ZNF782: variants seen among roughly 807,000 people sequenced by gnomAD.
The protein encoded by ZNF782 is zinc finger protein 782.
In ZNF782, 12 loss-of-function variants were observed where a neutral mutation model predicts 13.0. The observed-to-expected ratio is 0.92, with a 90% CI of 0.59 to 1.50. The LOEUF (loss-of-function observed/expected upper bound fraction) is 1.50. Among genes scored for constraint, ZNF782 ranks in the 40% most tolerant of loss-of-function variants. The probability of loss-of-function intolerance (pLI) is 0.00; values close to 1 mark genes in which losing one functional copy is unlikely to be tolerated. For missense variants in ZNF782, 770 were observed against 822.9 expected (o/e 0.94, Z 0.79); for synonymous variants, 284 against 283.0 (o/e 1.00, Z -0.04).
chr9:96,911,882 A>G, the ZNF782 span, among the ~76,000 whole-genome samples: 1 of 152,080 alleles, frequency 6.6e-6, no homozygotes, highest in African/African-American at 2.4e-5. Flanking sequence ...TAGCTGTACT[A>G]TAAGTAGTTG....
At chr9:96,821,188 G>C (rs759167145) in intron 5 of ZNF782, among the ~76,000 whole-genome samples, 2 of 152,164 alleles carry the variant, frequency 1.3e-5, no homozygotes, top group Non-Finnish European at 2.9e-5. Context: ...TGCCCTAACA[G>C]ATATTCAGGA....
chr9:96,896,527 T>A, the ZNF782 span, among the ~76,000 whole-genome samples: 1 of 152,188 alleles, frequency 6.6e-6, no homozygotes, highest in Non-Finnish European at 1.5e-5. Context: ...TCTAGGAGTC[T>A]AGTGGTCGAG....
Position 96,819,035 on chromosome 9 carries a change from T to C in ZNF782, c.988A>G (p.Arg330Gly). ...GAGTATTTATCTGTTGCATGAGTTC[T>C]CTGATGCACTGGGAGGGTTGAATTA... The part of the protein sequence containing the change: ...NRNSTLPVHQ[R>G]THATDKYSDY... The change falls in exon 6 of 6, where the codon AGA (arginine) becomes GGA (glycine). Residue 330 changes from arginine to glycine, a missense_variant. Physicochemically the swap from Arg to Gly is moderately radical, Grantham distance 125. Coordinates refer to ENST00000481138, the MANE Select transcript of ZNF782 (RefSeq NM_001001662.3). The C allele has an allele frequency of 1.2e-6, 2 of 1,614,238 alleles. No individual in the cohort carries two copies. The highest frequency in any genetic ancestry group is 1.7e-6 in the Non-Finnish European group (2 of 1,180,032).
At chr9:96,858,424 A>G (rs1851669153), upstream of ZNF782, among the ~76,000 whole-genome samples, 1 of 152,126 alleles carries the variant, frequency 6.6e-6, no homozygotes, top group South Asian at 2.1e-4. The surrounding 1 kb of genome is among the most constrained non-coding windows in gnomAD (Gnocchi z 4.4). Context: ...TGAGAGTGCA[A>G]TAAATCTTGC....
At position 96,818,201 on chromosome 9, in the gene ZNF782, G is replaced by A; in HGVS notation, c.1822C>T (p.His608Tyr). Residue 608 changes from histidine (H) to tyrosine (Y), a missense_variant, in exon 6 of 6, where the codon CAT becomes TAT. Coordinates refer to ENST00000481138, the MANE Select transcript of ZNF782 (RefSeq NM_001001662.3). The part of the protein sequence containing the change: ...TFRQKSNLRG[H>Y]QRTHTGEKPY... ...TTCTCCCCAGTGTGAGTTCTCTGATGCCCTCTGAGATTTGATTTCTGCCTG... is the reference window on the plus strand; with the variant it reads ...TTCTCCCCAGTGTGAGTTCTCTGATACCCTCTGAGATTTGATTTCTGCCTG... 1 of 1,613,974 alleles carries A rather than the reference G, an allele frequency of 6.2e-7. No homozygotes were observed. The highest frequency in any genetic ancestry group is 1.3e-5 in the African/African-American group (1 of 74,958).
At chr9:96,834,911 C>G (rs1850938710) in intron 4 of ZNF782, among the ~76,000 whole-genome samples, 1 of 152,148 alleles carries the variant, frequency 6.6e-6, no homozygotes, top group African/African-American at 2.4e-5. Context: ...TCTACTGAGG[C>G]TCAGATGAAG....
At chr9:96,921,320 G>C in the ZNF782 span, among the ~76,000 whole-genome samples, 1 of 143,622 alleles carries the variant, frequency 7.0e-6, no homozygotes, top group Non-Finnish European at 1.5e-5. Flanking sequence ...AGATCACGAG[G>C]TCAGGAGATC....
At chr9:96,921,047 GTAAC>G in the ZNF782 span, among the ~76,000 whole-genome samples, 1 of 147,944 alleles carries the variant, frequency 6.8e-6, no homozygotes, top group Non-Finnish European at 1.5e-5. Context: ...AAAGTTTTAA[GTAAC>G]TAGGGAAGAA....
intron 1 of ZNF782, among the ~76,000 whole-genome samples, chr9:96,864,116 G>GTA (rs958928211): frequency 1.1e-3 from 166 of 146,190 alleles, no homozygotes; most frequent in Non-Finnish European, 6.9e-4. Context: ...TATATAAAAC[G>GTA]TATATATATA....
At chr9:96,933,041 G>T in the ZNF782 span, among the ~76,000 whole-genome samples, 9 of 147,968 alleles carry the variant, frequency 6.1e-5, no homozygotes, top group Admixed American at 6.1e-4. Context: ...GCAGTGGCGT[G>T]ATCTCGGCTC....
At chr9:96,930,006 T>G in the ZNF782 span, among the ~76,000 whole-genome samples, 30 of 152,268 alleles carry the variant, frequency 2.0e-4, no homozygotes, top group African/African-American at 7.2e-4. Context: ...ATGTGTGTCC[T>G]GACTGATGAG....
chr9:96,896,442 A>C, the ZNF782 span, among the ~76,000 whole-genome samples: 2 of 152,224 alleles, frequency 1.3e-5, no homozygotes, highest in Admixed American at 6.5e-5. Flanking sequence ...TAGACTTACT[A>C]CTAAGACATT....
upstream of ZNF782, among the ~76,000 whole-genome samples, chr9:96,877,485 A>G (rs546162048): frequency 6.6e-6 from 1 of 152,334 alleles, no homozygotes; most frequent in African/African-American, 2.4e-5. Flanking sequence ...TACCTGGCAG[A>G]GGGGGCTGCA....
the ZNF782 span, among the ~76,000 whole-genome samples, chr9:96,932,974 TTTTC>T: frequency 3.5e-3 from 514 of 147,806 alleles, 17 homozygotes; most frequent in East Asian, 0.072. Context: ...TTTTCTTTTC[TTTTC>T]TTTTTTTTTT....
the ZNF782 span, chr9:96,890,545 T>C: frequency 6.6e-6 from 1 of 152,316 alleles, no homozygotes. Flanking sequence ...CCCTCCAGCC[T>C]CCTGCCAGTG....
At chr9:96,875,642 G>A, upstream of ZNF782, 1 of 454,738 alleles carries the variant, frequency 2.2e-6, no homozygotes, top group Non-Finnish European at 4.4e-6. Context: ...GTTCCTAAAG[G>A]GGGCGCAGCT....
At chr9:96,879,596 T>G (rs984697221), upstream of ZNF782, among the ~76,000 whole-genome samples, 5 of 152,178 alleles carry the variant, frequency 3.3e-5, no homozygotes, top group Admixed American at 6.5e-5. Context: ...AGACGCCCTG[T>G]GACTAGTGAC....
At chr9:96,838,993 C>A (rs570360188) in intron 4 of ZNF782, among the ~76,000 whole-genome samples, 1 of 152,048 alleles carries the variant, frequency 6.6e-6, no homozygotes, top group Non-Finnish European at 1.5e-5. Context: ...GGATTACAGT[C>A]GTGAGCCACA....
At chr9:96,837,705 A>G (rs1049389471) in intron 4 of ZNF782, among the ~76,000 whole-genome samples, 3 of 152,196 alleles carry the variant, frequency 2.0e-5, no homozygotes, top group African/African-American at 7.2e-5. Context: ...TGCATCCAGA[A>G]GGTACGCTAT....
Sources: allele counts gnomAD v4.1 joint callset (sites outside exome capture counted in the v4.1 genomes callset), GRCh38; gene constraint gnomAD v4.1.1; non-coding constraint Gnocchi (gnomAD v3.1); transcripts MANE v1.5; gene names NCBI Gene and HGNC (gene_info 2026-07-23, HGNC 2026-07-21).